The following VSX1 variants were observed in gnomAD, a reference collection of about 807,000 sequenced individuals.
VSX1 encodes visual system homeobox 1.
VSX1 carries 23 observed loss-of-function variants against 23.6 expected under a neutral mutation model. That is an observed-to-expected ratio of 0.97 (90% CI 0.70 to 1.38). The LOEUF is 1.38. Ranked by LOEUF, VSX1 falls within the 40% of genes most tolerant of loss-of-function variation. VSX1 has a pLI of 0.00. For missense variants in VSX1, 517 were observed against 495.4 expected, an observed-to-expected ratio of 1.04 and a Z score of -0.41; for synonymous variants, 247 against 215.1, an observed-to-expected ratio of 1.15 and a Z score of -1.30.
chr20:25,076,334 C>A lies in VSX1; in HGVS notation c.1025G>T (p.Gly342Val). 1 of 1,614,174 alleles carries A rather than the reference C, an allele frequency of 6.2e-7. No homozygotes were observed. Among genetic ancestry groups the A allele is most frequent in the Non-Finnish European group, 8.5e-7 (1 of 1,180,022 alleles). The change falls in exon 5 of 5, where the codon GGG becomes GTG. Residue 342 changes from glycine to valine, a missense_variant. Physicochemically the swap from Gly to Val is moderately radical, Grantham distance 109 (BLOSUM62 -3). Coordinates refer to ENST00000376709, the MANE Select transcript of VSX1 (RefSeq NM_014588.6). The part of the protein sequence containing the change: ...ARQETKKVHP[G>V]AGAQGGSNST... ...GTTGGAGCCTCCTTGAGCACCAGCC[C>A]CAGGGTGCACTTTCTTGGTCTCCTG...
Position 25,077,671 on chromosome 20 carries a change from G to C in VSX1, c.808+14C>G. On this transcript the variant is annotated intron_variant, in intron 4 of 4. Transcript: ENST00000376709. ...AACACCTCGAGCCGTGCGATCCCGG[G>C]GGCCCTTCCTTACCCAGGAGCCAGG... 1 of 1,544,762 alleles carries C rather than the reference G, an allele frequency of 6.5e-7. No individual in the cohort carries two copies.
At chr20:25,071,893 G>A (rs1216924576), downstream of VSX1, 1 of 710,944 alleles carries the variant, frequency 1.4e-6, no homozygotes, top group Non-Finnish European at 2.6e-6. Flanking sequence ...CTTCTCCAGA[G>A]GGGCAGACTT....
At chr20:25,078,694 A>G (rs1393320866) in intron 3 of VSX1, 135 bp downstream of exon 3, 3 of 1,608,188 alleles carry the variant, frequency 1.9e-6, no homozygotes, top group South Asian at 1.1e-5. Context: ...TGGTGCCTTC[A>G]GCTAAGGGAC....
In VSX1 at chr20:25,079,504, G is replaced by A. The variant is rs147161253; in HGVS notation, c.435C>T (p.Ser145=). ...SDSVSTSDED[S]QSEDRNDLKA... ...TTAGGTCATTCCTGTCTTCAGACTG[G>A]CTGTCCTCATCTGATGGCACAGAAA... Residue 145 remains serine, a synonymous_variant, in exon 2 of 5, where the codon AGC becomes AGT. Transcript: ENST00000376709. 1.1e-4 allele frequency: 185 copies of A among 1,611,714 alleles called. No individual in the cohort carries two copies. Among genetic ancestry groups the A allele is most frequent in the Non-Finnish European group, 1.4e-4 (167 of 1,179,020 alleles).
Position 25,076,478 on chromosome 20 carries a change from G to C in VSX1, c.881C>G (p.Ser294Cys), listed in dbSNP as rs746258790. Reference protein sequence around the residue: ...SEDKLAGLWGSDHFKEGSSQS... With the variant: ...SEDKLAGLWGCDHFKEGSSQS... ...GCTAGAACCTTCTTTGAAGTGGTCAGAGCCCCAGAGTCCTGCCAACTTATC... is the reference window on the plus strand; with the variant it reads ...GCTAGAACCTTCTTTGAAGTGGTCACAGCCCCAGAGTCCTGCCAACTTATC... Residue 294 changes from serine to cysteine, a missense_variant, in exon 5 of 5, where the codon TCT becomes TGT. Physicochemically the swap from Ser to Cys is moderately radical, Grantham distance 112 (BLOSUM62 -1). Coordinates refer to ENST00000376709, the MANE Select transcript of VSX1 (RefSeq NM_014588.6). 67 of 1,613,802 alleles carry C rather than the reference G, an allele frequency of 4.2e-5. No individual in the cohort carries two copies. Among genetic ancestry groups the C allele is most frequent in the Non-Finnish European group, 5.3e-5 (63 of 1,180,016 alleles).
rs200511788 is a variant in VSX1 at position 25,081,445 on chromosome 20, A to G, written c.424+228T>C. 1,272 of 796,568 alleles carry G rather than the reference A, an allele frequency of 1.6e-3. 20 individuals carry two copies. The highest frequency in any genetic ancestry group is 4.9e-4 in the Admixed American group (29 of 58,690). The allele number at this position is 796,568 out of a possible 1,614,324, so 49.3% of individuals were successfully genotyped here. A position where few individuals can be genotyped will look rare whatever the true frequency, so the allele number is the denominator to read the frequency against. On this transcript the variant is annotated intron_variant, in intron 1 of 4. Transcript: ENST00000376709. ...CGGAACCAGGTGGTGGCGGTCTCAC[A>G]TCGCTGAGGGAACAGGACCCCGGAT...
chr20:25,073,015 A>G (rs1232329278), downstream of VSX1, among the ~76,000 whole-genome samples: 1 of 152,294 alleles, frequency 6.6e-6, no homozygotes, highest in Admixed American at 6.5e-5. Context: ...CCAGATTCCA[A>G]TCTGACGTGC....
intron 1 of VSX1, 38 bp downstream of exon 1, chr20:25,081,635 G>A: frequency 1.3e-6 from 2 of 1,534,432 alleles, no homozygotes; most frequent in Non-Finnish European, 1.7e-6. Context: ...CAGAGCCTAG[G>A]GGACAGGGGC....
intron 2 of VSX1, 22 bp from the exon 3 acceptor site, chr20:25,078,974 C>G (rs1467918358): frequency 1.2e-5 from 20 of 1,612,832 alleles, no homozygotes; most frequent in Non-Finnish European, 1.6e-5. Context: ...CCAAAACACA[C>G]AGGTGGGCAC....
At position 25,077,788 on chromosome 20, in the gene VSX1, G is replaced by A. The variant is rs919554516; in HGVS notation, c.705C>T (p.Tyr235=). 1 of 1,551,120 alleles carries A rather than the reference G, an allele frequency of 6.4e-7. No homozygotes were observed. Among genetic ancestry groups the A allele is most frequent in the Non-Finnish European group, 8.7e-7 (1 of 1,147,020 alleles). ...RWGGSSVMAE[Y]GLYGAMVRHC... ...GGCGCACCATGGCCCCGTACAGCCC[G>A]TACTCGGCCATCACGCTGCTGCCGC... The change falls in exon 4 of 5, where the codon TAC becomes TAT. Residue 235 remains tyrosine, a synonymous_variant. Coordinates refer to ENST00000376709, the MANE Select transcript of VSX1 (RefSeq NM_014588.6).
intron 1 of VSX1, 84 bp from the exon 2 acceptor site, chr20:25,079,598 A>T (rs150575982): frequency 6.9e-7 from 1 of 1,440,976 alleles, no homozygotes; most frequent in African/African-American, 1.4e-5. Context: ...GATTGAAGTT[A>T]TGAACCTCTT....
chr20:25,076,268 G>T lies in VSX1; in HGVS notation c.1091C>A (p.Ala364Asp). The T allele has an allele frequency of 6.2e-7, 1 of 1,614,138 alleles. No homozygotes were observed. The highest frequency in any genetic ancestry group is 1.3e-5 in the African/African-American group (1 of 75,064). The change falls in exon 5 of 5, where the codon GCC becomes GAC. Residue 364 changes from alanine to aspartate, a missense_variant. By Grantham distance (126) the Ala-to-Asp change is moderately radical. Transcript: ENST00000376709. Reference sequence around the variant, plus strand: ...CAGTGGGACCTGTGGGTCTCATGTGGCTCCCACCTTCCCTGGCTGGGGCCC... The same window carrying T: ...CAGTGGGACCTGTGGGTCTCATGTGTCTCCCACCTTCCCTGGCTGGGGCCC... ...LEGPQPGKVG[A>D]T
At chr20:25,079,080 A>G (rs2089581132) in intron 2 of VSX1, 128 bp from the exon 3 acceptor site, 1 of 1,031,874 alleles carries the variant, frequency 9.7e-7, no homozygotes. Context: ...TGATAATGGA[A>G]CACCCCACCT....
At position 25,077,739 on chromosome 20, in the gene VSX1, C is replaced by T. The variant is rs1172317437; in HGVS notation, c.754G>A (p.Val252Met). ...AGGCCGCCCTCGGCGGAGTTGAGCA[C>T]GGAGTCTGGCAGCGGGATGCAGTGG... is the stretch of plus-strand genomic sequence containing the variant. ...VRHCIPLPDSVLNSAEGGLLG... is the reference protein window; with the variant it reads ...VRHCIPLPDSMLNSAEGGLLG... The change falls in exon 4 of 5, where the codon GTG (valine) becomes ATG (methionine). Residue 252 changes from valine to methionine, a missense_variant. Val to Met is a conservative substitution (Grantham distance 21). Coordinates refer to ENST00000376709, the MANE Select transcript of VSX1 (RefSeq NM_014588.6). 1.9e-6 allele frequency: 3 copies of T among 1,550,528 alleles called. No homozygotes were observed. Among genetic ancestry groups the T allele is most frequent in the Non-Finnish European group, 2.6e-6 (3 of 1,146,920 alleles).
At position 25,079,550 on chromosome 20, in the gene VSX1, T is replaced by C; in HGVS notation, c.425-36A>G. 1.9e-6 allele frequency: 3 copies of C among 1,572,416 alleles called. 1 individual carries two copies. The highest frequency in any genetic ancestry group is 8.7e-7 in the Non-Finnish European group (1 of 1,149,124). ...AGAAAGAAGAAGAGGACTTTAAGGG[T>C]GATCATATCCCCTCTATTTCCTGGA... On this transcript the variant is annotated intron_variant, in intron 1 of 4. Coordinates refer to ENST00000376709, the MANE Select transcript of VSX1 (RefSeq NM_014588.6).
downstream of VSX1, among the ~76,000 whole-genome samples, chr20:25,073,574 G>T (rs1362399623): frequency 6.6e-6 from 1 of 152,170 alleles, no homozygotes; most frequent in African/African-American, 2.4e-5. Context: ...AATTTTGATT[G>T]GACTAAACCA....
intron 3 of VSX1, 101 bp from the exon 4 acceptor site, chr20:25,077,966 C>T: frequency 7.2e-7 from 1 of 1,396,460 alleles, no homozygotes; most frequent in African/African-American, 1.4e-5. Flanking sequence ...TCTTCTCTCC[C>T]GAGCATGATC....
downstream of VSX1, among the ~76,000 whole-genome samples, chr20:25,073,899 A>G (rs1001598681): frequency 6.6e-6 from 1 of 152,194 alleles, no homozygotes; most frequent in Non-Finnish European, 1.5e-5. Flanking sequence ...TGGTCCTTGC[A>G]CAGCCAGGGA....
downstream of VSX1, among the ~76,000 whole-genome samples, chr20:25,073,216 G>A (rs570242076): frequency 3.4e-5 from 5 of 146,034 alleles, no homozygotes; most frequent in Admixed American, 7.1e-5. Context: ...TTGAGAAAGC[G>A]GTGTTAATAT....
Sources: gnomAD v4.1 joint callset for allele counts (sites outside exome capture counted in the v4.1 genomes callset) on GRCh38, gnomAD v4.1.1 for gene constraint, MANE v1.5 for transcripts, NCBI Gene and HGNC (gene_info 2026-07-23, HGNC 2026-07-21) for gene names.